Variants in ARL8B observed in about 807,000 individuals in gnomAD.
ARL8B encodes ARF like GTPase 8B.
Under a neutral mutation model 30.6 loss-of-function variants are expected in ARL8B, and 9 were observed. That is an observed-to-expected ratio of 0.29 (90% confidence interval 0.18 to 0.51). ARL8B has a LOEUF of 0.51. Among genes scored for constraint, ARL8B ranks in the 20% least tolerant of loss-of-function variants. The probability of loss-of-function intolerance (pLI) is 0.97; values close to 1 mark genes in which losing one functional copy is unlikely to be tolerated. For missense variants in ARL8B, 130 were observed against 227.2 expected (o/e 0.57, Z 2.75); for synonymous variants, 74 against 76.0 (o/e 0.97, Z 0.14).
chr3:5,126,905 TA>T (rs1325632818), intron 1 of ARL8B, among the ~76,000 whole-genome samples: 3 of 152,316 alleles, frequency 2.0e-5, no homozygotes, highest in South Asian at 2.1e-4. Flanking sequence ...TTATAGTTAT[TA>T]AAAAATATCT....
chr3:5,142,167 C>CT (rs1043017394), intron 1 of ARL8B, among the ~76,000 whole-genome samples: 3 of 152,124 alleles, frequency 2.0e-5, no homozygotes, highest in African/African-American at 7.2e-5. Context: ...GGGGAGGTTC[C>CT]TTTTCCCATA....
rs552701993 is a variant in ARL8B, at chr3:5,145,516, A to G, written c.123+22928A>G. On this transcript the variant is annotated intron_variant, in intron 1 of 6. Coordinates refer to ENST00000256496, the MANE Select transcript of ARL8B (RefSeq NM_018184.3). ...ATCAAGAAGCTTGGAGACAAAAGCA[A>G]TATGTTGCCTCTTCCCTCCCCAGGT... Among the ~76,000 whole-genome samples the G allele has an allele frequency of 2.0e-5, 3 of 152,210 alleles. No individual in the cohort carries two copies. In the South Asian group the frequency reaches 6.2e-4, roughly 32 times the overall value.
intron 1 of ARL8B, among the ~76,000 whole-genome samples, chr3:5,158,101 A>C (rs2054547896): frequency 6.6e-6 from 1 of 152,000 alleles, no homozygotes; most frequent in South Asian, 2.1e-4. Flanking sequence ...TCAGCCTCCA[A>C]AGTAGCTAGG....
At chr3:5,124,575 C>T (rs776875453) in intron 1 of ARL8B, among the ~76,000 whole-genome samples, 43 of 152,186 alleles carry the variant, frequency 2.8e-4, no homozygotes, top group Middle Eastern at 3.4e-3. Flanking sequence ...ATGTGATCTT[C>T]CCTGTCTCAG....
intron 1 of ARL8B, among the ~76,000 whole-genome samples, chr3:5,133,900 A>G (rs1009085888): frequency 6.6e-6 from 1 of 152,194 alleles, no homozygotes; most frequent in Non-Finnish European, 1.5e-5. Context: ...GTGCCACTGC[A>G]TTCCAGCCTG....
chr3:5,126,705 T>C (rs1322406992), intron 1 of ARL8B, among the ~76,000 whole-genome samples: 1 of 152,200 alleles, frequency 6.6e-6, no homozygotes, highest in Non-Finnish European at 1.5e-5. Flanking sequence ...TTGATATATG[T>C]AGTGTTCTCT....
chr3:5,133,426 G>A (rs900610371), intron 1 of ARL8B, among the ~76,000 whole-genome samples: 1 of 152,196 alleles, frequency 6.6e-6, no homozygotes, highest in Non-Finnish European at 1.5e-5. Context: ...AGTTGGGGAG[G>A]AGGGGAAAGG....
At chr3:5,135,490 G>A (rs1025295110) in intron 1 of ARL8B, among the ~76,000 whole-genome samples, 22 of 150,630 alleles carry the variant, frequency 1.5e-4, no homozygotes, top group Non-Finnish European at 1.9e-4. Context: ...ATGGATTCTC[G>A]CTCTGTCGCC....
intron 1 of ARL8B, among the ~76,000 whole-genome samples, chr3:5,160,034 A>G (rs761851389): frequency 3.3e-5 from 5 of 152,124 alleles, no homozygotes; most frequent in Non-Finnish European, 5.9e-5. Flanking sequence ...CATGCTCCCT[A>G]CTTAAGAACC....
In ARL8B at chr3:5,179,456, G is replaced by A. The variant is rs1478834310; in HGVS notation, c.*743G>A. The stretch of plus-strand genomic sequence containing the variant: ...TGTATCTGTCCAGATCATTATTTCT[G>A]TCTCTTGTTTTTTCTTCCTGGTTCA... On this transcript the variant is annotated 3_prime_UTR_variant, in exon 7 of 7. Coordinates refer to ENST00000256496, the MANE Select transcript of ARL8B (RefSeq NM_018184.3). The A allele has an allele frequency of 4.6e-5, 7 of 152,282 alleles. No homozygotes were observed. The highest frequency in any genetic ancestry group is 1.7e-4 in the African/African-American group (7 of 41,446). The allele number at this position is 152,282 out of a possible 1,614,324, so 9.4% of individuals were successfully genotyped here.
At chr3:5,162,987 C>CTT (rs58230539) in intron 1 of ARL8B, among the ~76,000 whole-genome samples, 8,396 of 125,760 alleles carry the variant, frequency 0.067, 466 homozygotes, top group East Asian at 0.11. Context: ...TTAGCTCCCA[C>CTT]TTTTTTTTTT....
At chr3:5,141,141 G>C (rs922460434) in intron 1 of ARL8B, among the ~76,000 whole-genome samples, 1 of 152,062 alleles carries the variant, frequency 6.6e-6, no homozygotes, top group Admixed American at 6.6e-5. Context: ...CCCTTTTAGG[G>C]GCTGACCCCT....
At chr3:5,135,949 G>A (rs894606200) in intron 1 of ARL8B, among the ~76,000 whole-genome samples, 1 of 151,132 alleles carries the variant, frequency 6.6e-6, no homozygotes, top group African/African-American at 2.4e-5. Flanking sequence ...GCCCCGCGTG[G>A]CTAATTTTTT....
At chr3:5,150,290 C>T (rs2054468716) in intron 1 of ARL8B, among the ~76,000 whole-genome samples, 1 of 151,778 alleles carries the variant, frequency 6.6e-6, no homozygotes, top group Non-Finnish European at 1.5e-5. Flanking sequence ...TGGTGAAACC[C>T]CATCTCTACT....
Position 5,178,695 on chromosome 3 carries a change from A to G in ARL8B, c.543A>G (p.Ser181=). ...DITLQWLIQH[S]KSRRS Reference sequence around the variant, plus strand: ...CACTTCAGTGGCTTATTCAGCATTCAAAATCTAGAAGAAGCTGAAGCATCT... The same window carrying G: ...CACTTCAGTGGCTTATTCAGCATTCGAAATCTAGAAGAAGCTGAAGCATCT... The change falls in exon 7 of 7, where the codon TCA becomes TCG. Residue 181 remains serine, a synonymous_variant. Coordinates refer to ENST00000256496, the MANE Select transcript of ARL8B (RefSeq NM_018184.3). 6.2e-7 allele frequency: 1 copy of G among 1,612,380 alleles called. No individual in the cohort carries two copies. The highest frequency in any genetic ancestry group is 8.5e-7 in the Non-Finnish European group (1 of 1,179,144).
intron 1 of ARL8B, among the ~76,000 whole-genome samples, chr3:5,124,488 C>G (rs1479544758): frequency 1.3e-5 from 2 of 151,510 alleles, no homozygotes; most frequent in African/African-American, 2.4e-5. Flanking sequence ...TTTTTGGAGA[C>G]AGGGTCTTGA....
chr3:5,170,824 C>T (rs576481070), intron 2 of ARL8B: 5 of 316,602 alleles, frequency 1.6e-5, no homozygotes, highest in Admixed American at 5.0e-5. Flanking sequence ...CTCTACCTCC[C>T]GGTTCAAGTG....
chr3:5,146,255 T>G (rs1353206948), intron 1 of ARL8B, among the ~76,000 whole-genome samples: 3 of 152,192 alleles, frequency 2.0e-5, no homozygotes, highest in Non-Finnish European at 4.4e-5. Context: ...CTGAACCACT[T>G]ATGTTCATAG....
intron 3 of ARL8B, 78 bp from the exon 4 acceptor site, chr3:5,172,569 A>T (rs1290789340): frequency 3.0e-6 from 3 of 1,003,078 alleles, no homozygotes; most frequent in Non-Finnish European, 4.5e-6. Flanking sequence ...ATCTTACAAA[A>T]ATTAAAAATC....
Sources: allele counts gnomAD v4.1 joint callset (sites outside exome capture counted in the v4.1 genomes callset), GRCh38; gene constraint gnomAD v4.1.1; transcripts MANE v1.5; gene names NCBI Gene and HGNC (gene_info 2026-07-23, HGNC 2026-07-21).